NGEF: variants seen among roughly 807,000 people sequenced by gnomAD.
NGEF encodes the protein neuronal guanine nucleotide exchange factor.
A neutral mutation model predicts 80.9 loss-of-function variants in NGEF; 31 were observed. The ratio of observed to expected loss-of-function variants is 0.38; its 90% CI spans 0.29 to 0.52. The LOEUF (loss-of-function observed/expected upper bound fraction) is 0.52. Among genes scored for constraint, NGEF ranks in the 20% least tolerant of loss-of-function variants. NGEF has a pLI of 0.84. For missense variants in NGEF, 709 were observed against 926.2 expected, an observed-to-expected ratio of 0.77 and a Z score of 3.04; for synonymous variants, 371 against 370.2, an observed-to-expected ratio of 1.00 and a Z score of -0.03.
intron 3 of NGEF, among the ~76,000 whole-genome samples, chr2:232,939,616 C>T (rs1009989504): frequency 1.3e-5 from 2 of 152,284 alleles, no homozygotes; most frequent in African/African-American, 4.8e-5. Context: ...GAAAACTTTA[C>T]ATTACCTATT....
intron 5 of NGEF, chr2:232,901,485 T>C (rs929542265): frequency 4.2e-6 from 4 of 960,492 alleles, no homozygotes; most frequent in East Asian, 1.1e-4. Flanking sequence ...CTGTCTCTGA[T>C]GCTGTGACCT....
chr2:232,890,955 C>T, intron 8 of NGEF: 2 of 472,894 alleles, frequency 4.2e-6, no homozygotes, highest in Non-Finnish European at 8.8e-6. Context: ...GGGGCCTTTG[C>T]ACAAGCGGTT....
chr2:232,994,658 C>T (rs1232631493), intron 1 of NGEF, among the ~76,000 whole-genome samples: 1 of 152,106 alleles, frequency 6.6e-6, no homozygotes, highest in Non-Finnish European at 1.5e-5. Flanking sequence ...CGGCCCTTCG[C>T]TGGCTGAATG....
At chr2:232,916,805 C>T (rs1389046593) in intron 5 of NGEF, among the ~76,000 whole-genome samples, 1 of 152,344 alleles carries the variant, frequency 6.6e-6, no homozygotes, top group East Asian at 1.9e-4. Context: ...ATTTAAAATG[C>T]ACTTCATTCG....
At chr2:232,882,562 G>A (rs1197114967) in intron 12 of NGEF, among the ~76,000 whole-genome samples, 2 of 152,248 alleles carry the variant, frequency 1.3e-5, no homozygotes, top group Non-Finnish European at 1.5e-5. Flanking sequence ...ACCAAGTAAC[G>A]CGTAAGAGCA....
intron 3 of NGEF, among the ~76,000 whole-genome samples, chr2:232,930,774 C>G (rs776892366): frequency 6.6e-6 from 1 of 152,210 alleles, no homozygotes; most frequent in African/African-American, 2.4e-5. Context: ...GTGAATGTTG[C>G]GGGAGACACA....
At chr2:232,891,016 T>C in intron 8 of NGEF, 1 of 490,350 alleles carries the variant, frequency 2.0e-6, no homozygotes, top group Non-Finnish European at 4.2e-6. Context: ...AGCTCCTCCC[T>C]GTCAGCCAGG....
intron 3 of NGEF, among the ~76,000 whole-genome samples, chr2:232,963,742 A>G (rs960705040): frequency 6.6e-6 from 1 of 152,034 alleles, no homozygotes; most frequent in African/African-American, 2.4e-5. Flanking sequence ...TGAACCTGGG[A>G]GGCAAGGTTG....
At chr2:232,993,853 G>C (rs75077598) in intron 1 of NGEF, among the ~76,000 whole-genome samples, 1 of 152,148 alleles carries the variant, frequency 6.6e-6, no homozygotes, top group South Asian at 2.1e-4. Context: ...TATATGAAAC[G>C]TCCAGAACCG....
intron 2 of NGEF, 83 bp from the exon 3 acceptor site, chr2:232,970,411 C>G (rs1426906002): frequency 2.3e-6 from 2 of 882,428 alleles, no homozygotes; most frequent in African/African-American, 3.6e-5. Flanking sequence ...AGGACAGTAG[C>G]AGCAGTCATG....
At chr2:232,883,052 AACACACAC>A (rs57854484) in intron 12 of NGEF, among the ~76,000 whole-genome samples, 4,482 of 150,362 alleles carry the variant, frequency 0.03, 89 homozygotes, top group Non-Finnish European at 0.035. Context: ...GCCCCAAGGG[AACACACAC>A]ACACACACAC....
In NGEF at chr2:232,884,163, A is replaced by T; in HGVS notation, c.1438-19T>A. On this transcript the variant is annotated intron_variant, in intron 10 of 14. Coordinates refer to ENST00000264051, the MANE Select transcript of NGEF (RefSeq NM_019850.3). ...GCACCGACTGCAGCGGGGAAAGGGC[A>T]TCAGGCAGGCTGTGCCCACAATGTC... is the stretch of plus-strand genomic sequence containing the variant. 6.4e-7 allele frequency: 1 copy of T among 1,572,146 alleles called. No homozygotes were observed. The highest frequency in any genetic ancestry group is 8.6e-7 in the Non-Finnish European group (1 of 1,163,654).
chr2:232,909,830 T>C (rs1692655524), intron 5 of NGEF, among the ~76,000 whole-genome samples: 1 of 152,236 alleles, frequency 6.6e-6, no homozygotes, highest in South Asian at 2.1e-4. Context: ...CTGCCACTAG[T>C]GTGGTCTCTT....
chr2:233,007,668 C>G (rs1026762110), intron 1 of NGEF, among the ~76,000 whole-genome samples: 2 of 152,220 alleles, frequency 1.3e-5, no homozygotes, highest in Admixed American at 6.5e-5. Flanking sequence ...TTTTCCCAAA[C>G]ACAGCCTAGA....
At chr2:232,949,008 A>T (rs1693620702) in intron 3 of NGEF, among the ~76,000 whole-genome samples, 1 of 150,764 alleles carries the variant, frequency 6.6e-6, no homozygotes, top group African/African-American at 2.5e-5. Context: ...ACAGAGCAAG[A>T]CTGCGTCTCA....
rs867408422 is a variant in NGEF at position 232,995,231 on chromosome 2, T to G, written c.-75+17837A>C. On this transcript the variant is annotated intron_variant, in intron 1 of 14. Transcript: ENST00000264051. ...CTGTATATGTGTACAGTATGTATGCTGTGTACAGTATGTATACTGTATATG... is the reference window on the plus strand; with the variant it reads ...CTGTATATGTGTACAGTATGTATGCGGTGTACAGTATGTATACTGTATATG... 3.7e-3 allele frequency among the ~76,000 whole-genome samples: 131 copies of G among 35,450 alleles called. 33 individuals carry two copies. The highest frequency in any genetic ancestry group is 0.021 in the African/African-American group (128 of 6,126). The allele number at this position is 35,450 out of a possible 152,430, so 23.3% of individuals were successfully genotyped here.
intron 3 of NGEF, among the ~76,000 whole-genome samples, chr2:232,957,315 C>T (rs1693851185): frequency 6.6e-6 from 1 of 152,000 alleles, no homozygotes; most frequent in African/African-American, 2.4e-5. Context: ...ATTATTATTA[C>T]TACTACTAAT....
chr2:232,928,131 G>GCCA (rs1693128212), intron 3 of NGEF: 2 of 996,516 alleles, frequency 2.0e-6, no homozygotes, highest in African/African-American at 3.5e-5. Context: ...TGCAGCCGCC[G>GCCA]CCGCCACCGC....
At chr2:232,995,742 G>A (rs1694827540) in intron 1 of NGEF, among the ~76,000 whole-genome samples, 4 of 143,380 alleles carry the variant, frequency 2.8e-5, no homozygotes, top group Non-Finnish European at 6.0e-5. Context: ...ATATACATAT[G>A]CACAATATGT....
Sources: gnomAD v4.1 joint callset for allele counts (sites outside exome capture counted in the v4.1 genomes callset) on GRCh38, gnomAD v4.1.1 for gene constraint, MANE v1.5 for transcripts, NCBI Gene and HGNC (gene_info 2026-07-23, HGNC 2026-07-21) for gene names.